The following POLR3GL variants were observed in gnomAD, a reference collection of about 807,000 sequenced individuals.
POLR3GL encodes RNA polymerase III subunit GL.
Under a neutral mutation model 32.4 loss-of-function variants are expected in POLR3GL, and 26 were observed. That is an observed-to-expected ratio of 0.80 (90% CI 0.59 to 1.11). The LOEUF is 1.11. Among genes scored for constraint, POLR3GL ranks in the 50% most tolerant of loss-of-function variants. POLR3GL has a pLI of 0.00. For synonymous variants in POLR3GL, 95 were observed against 98.7 expected, an observed-to-expected ratio of 0.96 and a Z score of 0.22; for missense variants, 229 against 280.1, an observed-to-expected ratio of 0.82 and a Z score of 1.30.
At position 145,974,875 on chromosome 1, in the gene POLR3GL, C is replaced by T. The variant is rs375181452; in HGVS notation, c.10C>T (p.Arg4Trp). ...CCAGGCCCCCTCCACCATGGCCAGCCGGGGTGGGGGCCGGGGTCGTGGCCG... is the reference window on the plus strand; with the variant it reads ...CCAGGCCCCCTCCACCATGGCCAGCTGGGGTGGGGGCCGGGGTCGTGGCCG... MAS[R>W]GGGRGRGRGQ... Residue 4 changes from arginine to tryptophan, a missense_variant, in exon 2 of 8, where the codon CGG becomes TGG. Transcript: ENST00000369314. The T allele has an allele frequency of 1.7e-5, 25 of 1,514,856 alleles. No individual in the cohort carries two copies. In the African/African-American group the frequency reaches 2.9e-4, roughly 18 times the overall value. The allele number at this position is 1,514,856 out of a possible 1,614,324, so 93.8% of individuals were successfully genotyped here.
chr1:145,968,340 T>A (rs1650127183), intron 1 of POLR3GL, among the ~76,000 whole-genome samples: 1 of 152,130 alleles, frequency 6.6e-6, no homozygotes, highest in Non-Finnish European at 1.5e-5. Flanking sequence ...TTAAATAAAA[T>A]TTTGTCTTCT....
rs587724978 is a variant in POLR3GL at position 145,972,524 on chromosome 1, A to G, written c.-41-2301A>G. Among the ~76,000 whole-genome samples the G allele has an allele frequency of 3.4e-3, 518 of 152,026 alleles. 5 individuals are homozygous for G. The highest frequency in any genetic ancestry group is 0.01 in the Middle Eastern group (3 of 294). ...AATTCAGTCATTTATTTATATCACT[A>G]TGGACTCACAGATATTTATCTTATA... is the stretch of plus-strand genomic sequence containing the variant. On this transcript the variant is annotated intron_variant, in intron 1 of 7. Transcript: ENST00000369314.
At chr1:145,970,602 G>C (rs1302344807) in intron 1 of POLR3GL, among the ~76,000 whole-genome samples, 1 of 151,926 alleles carries the variant, frequency 6.6e-6, no homozygotes, top group African/African-American at 2.4e-5. Flanking sequence ...GGCCGGCCGC[G>C]GTGACTCACG....
At chr1:145,975,206 C>T in intron 2 of POLR3GL, 101 bp from the exon 3 acceptor site, 2 of 1,478,258 alleles carry the variant, frequency 1.4e-6, no homozygotes, top group Non-Finnish European at 1.9e-6. Flanking sequence ...TCATTTGGCC[C>T]TCTGCTCAGT....
In POLR3GL at chr1:145,978,061, G is replaced by T; in HGVS notation, c.535G>T (p.Glu179Ter). Residue 179 changes from glutamate to a stop codon, truncating the protein, a stop_gained, in exon 7 of 8, where the codon GAA (glutamate) becomes TAA (stop). Transcript: ENST00000369314. LOFTEE classifies it high-confidence loss of function. ...AGAAGAAGAAGAGAAGGAAGAGGAG[G>T]AAGAAGAAGAGTATGATGAAGAAGA... ...KEEEEEKEEE[E>*]EEEYDEEEHE... 1 of 1,604,844 alleles carries T rather than the reference G, an allele frequency of 6.2e-7. No individual in the cohort carries two copies. Among genetic ancestry groups the T allele is most frequent in the Middle Eastern group, 1.7e-4 (1 of 5,852 alleles).
intron 3 of POLR3GL, 149 bp from the exon 4 acceptor site, chr1:145,976,934 AG>A: frequency 6.2e-4 from 1 of 1,610 alleles, no homozygotes; most frequent in South Asian, 0.013. Context: ...AAAAAAAAGT[AG>A]ATAAGGTCCT....
chr1:145,973,244 C>T (rs1441505286), intron 1 of POLR3GL, among the ~76,000 whole-genome samples: 1 of 152,024 alleles, frequency 6.6e-6, no homozygotes, highest in African/African-American at 2.4e-5. Context: ...TTTTATTCCC[C>T]CATCCTAGCT....
Position 145,977,091 on chromosome 1 carries a change from G to A in POLR3GL, c.264G>A (p.Glu88=), listed in dbSNP as rs1553763514. The A allele has an allele frequency of 1.2e-6, 2 of 1,613,692 alleles. No individual in the cohort carries two copies. The highest frequency in any genetic ancestry group is 1.7e-6 in the Non-Finnish European group (2 of 1,179,868). ...GACCCTTCCACCCCTCAGATGTGGA[G>A]CGTTATTCAGACAAATATCAGATGT... The part of the protein sequence containing the change: ...IRPAVPKRDV[E]RYSDKYQMSG... The change falls in exon 4 of 8, where the codon GAG becomes GAA. Residue 88 remains glutamate, a synonymous_variant. Transcript: ENST00000369314.
intron 1 of POLR3GL, among the ~76,000 whole-genome samples, chr1:145,970,667 T>G (rs1570992621): frequency 2.1e-5 from 3 of 141,942 alleles, no homozygotes; most frequent in African/African-American, 2.6e-5. Flanking sequence ...AGGTCAGGAG[T>G]TCGAGACCAA....
At chr1:145,972,367 C>T (rs1426570988) in intron 1 of POLR3GL, among the ~76,000 whole-genome samples, 5 of 145,394 alleles carry the variant, frequency 3.4e-5, no homozygotes, top group Admixed American at 2.1e-4. Flanking sequence ...GCAATAAGAG[C>T]GAAACTCCAT....
At position 145,977,408 on chromosome 1, in the gene POLR3GL, C is replaced by G. The variant is rs587603039; in HGVS notation, c.326-75C>G. 8.4e-6 allele frequency: 12 copies of G among 1,430,600 alleles called. No homozygotes were observed. In the African/African-American group the frequency reaches 1.3e-4, roughly 15 times the overall value. 88.6% of individuals were successfully genotyped at this position (1,430,600 alleles called of 1,614,324 possible). Reference sequence around the variant, plus strand: ...TCCTCTCCTTTAAAACCCTCACCCCCCTTTAAAACCAGTCAGTATTCACTG... The same window carrying G: ...TCCTCTCCTTTAAAACCCTCACCCCGCTTTAAAACCAGTCAGTATTCACTG... On this transcript the variant is annotated intron_variant, in intron 4 of 7. Transcript: ENST00000369314.
At chr1:145,968,463 G>A (rs1277881140) in intron 1 of POLR3GL, among the ~76,000 whole-genome samples, 1 of 152,138 alleles carries the variant, frequency 6.6e-6, no homozygotes, top group Non-Finnish European at 1.5e-5. Flanking sequence ...TGCAGTCACA[G>A]CAGCTCCTAT....
intron 1 of POLR3GL, among the ~76,000 whole-genome samples, chr1:145,972,434 G>A (rs943182791): frequency 4.0e-5 from 6 of 151,094 alleles, no homozygotes; most frequent in Non-Finnish European, 7.4e-5. Context: ...TTTTAGGATG[G>A]AGTGTCTACA....
intron 1 of POLR3GL, among the ~76,000 whole-genome samples, chr1:145,971,075 A>G (rs1263526833): frequency 1.4e-5 from 2 of 143,110 alleles, no homozygotes; most frequent in Non-Finnish European, 3.0e-5. Context: ...AATCCCAGGT[A>G]CTCAGCAGGC....
chr1:145,974,962 C>A lies in POLR3GL; in HGVS notation c.97C>A (p.Pro33Thr). The change falls in exon 2 of 8, where the codon CCC becomes ACC. Residue 33 changes from proline (P) to threonine (T), a missense_variant. Pro to Thr is a conservative substitution (Grantham distance 38). Transcript: ENST00000369314. ...TGGGAAAGGGGATGCTTTGCCCCCA[C>A]CCACCCTGCAGCCTTCTCCACTCTT... ...GIGKGDALPP[P>T]TLQPSPLFPP... 6.6e-7 allele frequency: 1 copy of A among 1,520,080 alleles called. No individual in the cohort carries two copies. Among genetic ancestry groups the A allele is most frequent in the Non-Finnish European group, 8.8e-7 (1 of 1,138,996 alleles). The allele number at this position is 1,520,080 out of a possible 1,614,324, so 94.2% of individuals were successfully genotyped here.
Position 145,978,362 on chromosome 1 carries a change from A to G in POLR3GL, c.572A>G (p.Glu191Gly), listed in dbSNP as rs970806200. Residue 191 changes from glutamate (E) to glycine (G), a missense_variant and splice_region_variant, in exon 8 of 8, where the codon GAA becomes GGA. By Grantham distance (98) the Glu-to-Gly change is moderately conservative. Coordinates refer to ENST00000369314, the MANE Select transcript of POLR3GL (RefSeq NM_032305.3). ...EEYDEEEHEE[E>G]TDYIMSYFDN... ...TTACTTTTTTTTTTTCCATTTCAGG[A>G]AACTGATTACATCATGTCATATTTT... 1.9e-6 allele frequency: 3 copies of G among 1,596,936 alleles called. No individual in the cohort carries two copies. Among genetic ancestry groups the G allele is most frequent in the Non-Finnish European group, 2.6e-6 (3 of 1,167,832 alleles).
intron 3 of POLR3GL, among the ~76,000 whole-genome samples, chr1:145,976,641 G>A (rs587607336): frequency 1.3e-5 from 2 of 150,848 alleles, no homozygotes; most frequent in South Asian, 2.1e-4. Flanking sequence ...GGGGCCGGGC[G>A]CAGTAATTCA....
Position 145,978,469 on chromosome 1 carries a change from GTCTT to G in POLR3GL, c.*28_*31del, listed in dbSNP as rs1650667928. The G allele has an allele frequency of 6.8e-7, 1 of 1,469,630 alleles. No individual in the cohort carries two copies. The allele number at this position is 1,469,630 out of a possible 1,614,324, so 91.0% of individuals were successfully genotyped here. ...CTGAAGAAGGACTCTGGACCCTCGT[GTCTT>G]TCTTTAGGATACAGAGAGTAACTGT... On this transcript the variant is annotated 3_prime_UTR_variant, in exon 8 of 8. Transcript: ENST00000369314.
chr1:145,973,874 G>C (rs1553763024), intron 1 of POLR3GL, among the ~76,000 whole-genome samples: 1 of 150,992 alleles, frequency 6.6e-6, no homozygotes, highest in Non-Finnish European at 1.5e-5. Flanking sequence ...GATCAATTTG[G>C]CCTCTCGCGG....
Sources: gnomAD v4.1 joint callset for allele counts (sites outside exome capture counted in the v4.1 genomes callset) on GRCh38, gnomAD v4.1.1 for gene constraint, MANE v1.5 for transcripts, NCBI Gene and HGNC (gene_info 2026-07-23, HGNC 2026-07-21) for gene names.